Variants in FGGY observed in about 807,000 individuals in gnomAD.
FGGY encodes FGGY carbohydrate kinase domain containing.
FGGY carries 72 observed loss-of-function variants against 71.3 expected under a neutral mutation model. The observed-to-expected ratio is 1.01, with a 90% CI of 0.84 to 1.23. The LOEUF is 1.23. FGGY is among the 50% of genes most tolerant of loss of function. The pLI, the probability that FGGY is intolerant of heterozygous loss-of-function variation, is 0.00. For synonymous variants in FGGY, 251 were observed against 250.3 expected (o/e 1.00, Z -0.02); for missense variants, 668 against 682.3 (o/e 0.98, Z 0.23).
chr1:59,384,572 G>A (rs1410875252), intron 5 of FGGY, among the ~76,000 whole-genome samples: 1 of 152,144 alleles, frequency 6.6e-6, no homozygotes, highest in African/African-American at 2.4e-5. Context: ...ATTTCATTTA[G>A]TTCCCTTTCT....
At chr1:59,551,222 T>G (rs1262759800) in intron 7 of FGGY, among the ~76,000 whole-genome samples, 2 of 152,172 alleles carry the variant, frequency 1.3e-5, no homozygotes, top group African/African-American at 4.8e-5. Context: ...TTTTCCTCAT[T>G]TTATAGCAGA....
intron 6 of FGGY, among the ~76,000 whole-genome samples, chr1:59,482,563 T>TAA (rs1328701594): frequency 1.7e-5 from 2 of 116,812 alleles, no homozygotes; most frequent in Non-Finnish European, 3.6e-5. Flanking sequence ...TGTCTATGTG[T>TAA]ATATATATGT....
At chr1:59,345,020 G>A (rs1435456272) in intron 3 of FGGY, among the ~76,000 whole-genome samples, 1 of 152,048 alleles carries the variant, frequency 6.6e-6, no homozygotes, top group Non-Finnish European at 1.5e-5. Context: ...AATACACTTT[G>A]TGCATTTCCC....
At chr1:59,408,579 T>C (rs528343185) in intron 5 of FGGY, among the ~76,000 whole-genome samples, 15 of 152,328 alleles carry the variant, frequency 9.8e-5, no homozygotes, top group Non-Finnish European at 1.6e-4. Context: ...AAATATTCTG[T>C]CTCTCTAAAT....
chr1:59,573,207 T>A (rs894476934), intron 8 of FGGY, among the ~76,000 whole-genome samples: 1 of 151,798 alleles, frequency 6.6e-6, no homozygotes, highest in Non-Finnish European at 1.5e-5. Context: ...GAAACTTTTT[T>A]AAAAGTTTTA....
chr1:59,691,641 CTT>C (rs774899362), intron 14 of FGGY, among the ~76,000 whole-genome samples: 45 of 131,878 alleles, frequency 3.4e-4, no homozygotes, highest in Non-Finnish European at 4.3e-4. Flanking sequence ...TTTTTCTTTT[CTT>C]TTTTTTTTTT....
At chr1:59,554,647 G>C (rs141840873) in intron 8 of FGGY, among the ~76,000 whole-genome samples, 1 of 152,094 alleles carries the variant, frequency 6.6e-6, no homozygotes, top group Non-Finnish European at 1.5e-5. Context: ...CCCTGGGAGC[G>C]TCCTGATGAT....
chr1:59,633,412 C>T (rs972362991), intron 10 of FGGY, among the ~76,000 whole-genome samples: 1 of 152,168 alleles, frequency 6.6e-6, no homozygotes, highest in Non-Finnish European at 1.5e-5. Flanking sequence ...TGATTTAGGA[C>T]ATAAATCCTC....
intron 5 of FGGY, among the ~76,000 whole-genome samples, chr1:59,413,889 A>G (rs1254262864): frequency 6.6e-6 from 1 of 152,148 alleles, no homozygotes; most frequent in Non-Finnish European, 1.5e-5. Context: ...TGAACCTGGG[A>G]TGTGGAAGTT....
chr1:59,496,556 C>G (rs1266917260), intron 6 of FGGY, among the ~76,000 whole-genome samples: 1 of 151,916 alleles, frequency 6.6e-6, no homozygotes, highest in Non-Finnish European at 1.5e-5. Context: ...GGGTGAGGAT[C>G]GAAAAACTAC....
intron 4 of FGGY, among the ~76,000 whole-genome samples, chr1:59,363,365 A>G (rs2055967595): frequency 6.6e-6 from 1 of 152,232 alleles, no homozygotes; most frequent in Non-Finnish European, 1.5e-5. Context: ...AATAATAAGA[A>G]CAATCGTAGG....
intron 7 of FGGY, among the ~76,000 whole-genome samples, chr1:59,522,143 TG>T (rs2094851416): frequency 6.6e-6 from 1 of 152,252 alleles, no homozygotes. Context: ...CAATTATTTT[TG>T]GACTTTAACA....
Position 59,614,055 on chromosome 1 carries a change from A to G in FGGY, c.1011+6145A>G, listed in dbSNP as rs557534127. Among the ~76,000 whole-genome samples, 42 of 152,358 alleles carry G rather than the reference A, an allele frequency of 2.8e-4. 1 individual carries two copies. The highest frequency in any genetic ancestry group is 9.4e-4 in the African/African-American group (39 of 41,580). Reference sequence around the variant, plus strand: ...CAGGACCAGACGGATTCACAGCCGAATTCTACCAGAGGTACAAGGAGGAAC... The same window carrying G: ...CAGGACCAGACGGATTCACAGCCGAGTTCTACCAGAGGTACAAGGAGGAAC... On this transcript the variant is annotated intron_variant, in intron 9 of 15. Transcript: ENST00000303721.
At chr1:59,612,686 A>G (rs1481750511) in intron 9 of FGGY, among the ~76,000 whole-genome samples, 2 of 152,222 alleles carry the variant, frequency 1.3e-5, no homozygotes, top group Non-Finnish European at 2.9e-5. Flanking sequence ...GCTCCAATTG[A>G]AAGACACAGA....
intron 8 of FGGY, among the ~76,000 whole-genome samples, chr1:59,580,795 T>A (rs1418330105): frequency 6.6e-5 from 10 of 152,164 alleles, no homozygotes; most frequent in Non-Finnish European, 1.3e-4. Flanking sequence ...ACAAAAAAAG[T>A]CCCAAGCACA....
intron 14 of FGGY, among the ~76,000 whole-genome samples, chr1:59,693,195 A>G (rs1227591293): frequency 1.3e-5 from 2 of 152,262 alleles, no homozygotes; most frequent in African/African-American, 4.8e-5. Flanking sequence ...ACACCAAGAG[A>G]CAGCTTGACG....
intron 8 of FGGY, among the ~76,000 whole-genome samples, chr1:59,594,262 G>A (rs533019446): frequency 1.3e-5 from 2 of 152,220 alleles, no homozygotes; most frequent in East Asian, 3.9e-4. Context: ...TCTGAACTCA[G>A]AAACATGTAG....
intron 5 of FGGY, among the ~76,000 whole-genome samples, chr1:59,399,741 A>T (rs1451096396): frequency 6.6e-6 from 1 of 152,138 alleles, no homozygotes; most frequent in Non-Finnish European, 1.5e-5. Flanking sequence ...ATCTTTAGAG[A>T]TTAAAAGACA....
intron 5 of FGGY, among the ~76,000 whole-genome samples, chr1:59,429,538 C>A (rs1234563459): frequency 2.0e-5 from 3 of 152,182 alleles, no homozygotes; most frequent in Non-Finnish European, 4.4e-5. Context: ...TTTGCATTTT[C>A]TAGGCTAAAG....
Sources: allele counts gnomAD v4.1 joint callset (sites outside exome capture counted in the v4.1 genomes callset), GRCh38; gene constraint gnomAD v4.1.1; transcripts MANE v1.5; gene names NCBI Gene and HGNC (gene_info 2026-07-23, HGNC 2026-07-21).